ZNF75D: variants seen among roughly 807,000 people sequenced by gnomAD.
The protein encoded by ZNF75D is zinc finger protein 75.
Under a neutral mutation model 33.3 loss-of-function variants are expected in ZNF75D, and 33 were observed. The observed-to-expected ratio is 0.99, with a 90% confidence interval of 0.75 to 1.32. ZNF75D has a LOEUF of 1.32. Ranked by LOEUF, ZNF75D falls within the 40% of genes most tolerant of loss-of-function variation. The pLI, the probability that ZNF75D is intolerant of heterozygous loss-of-function variation, is 0.00. For missense variants in ZNF75D, 338 were observed against 367.5 expected, an observed-to-expected ratio of 0.92 and a Z score of 0.66; for synonymous variants, 113 against 130.6, an observed-to-expected ratio of 0.87 and a Z score of 0.92.
At chrX:135,339,591 C>T (rs192653462) in intron 1 of ZNF75D, among the ~76,000 whole-genome samples, 37 of 112,219 alleles carry the variant, frequency 3.3e-4, no homozygotes, top group African/African-American at 1.2e-3. Flanking sequence ...TGTCTCAATA[C>T]TCCCCACTTC....
intron 1 of ZNF75D, among the ~76,000 whole-genome samples, chrX:135,300,664 T>C (rs1392557330): frequency 9.1e-6 from 1 of 109,527 alleles, no homozygotes; most frequent in African/African-American, 3.3e-5. Context: ...GGAGTATCAC[T>C]TGAACCCAGG....
At chrX:135,281,292 T>C (rs2083919070), downstream of ZNF75D, among the ~76,000 whole-genome samples, 1 of 109,568 alleles carries the variant, frequency 9.1e-6, no homozygotes, top group African/African-American at 3.3e-5. Flanking sequence ...TTGATACTTG[T>C]GTATGCTTCA....
chrX:135,320,494 C>T (rs2084482297), intron 1 of ZNF75D, among the ~76,000 whole-genome samples: 1 of 111,425 alleles, frequency 9.0e-6, no homozygotes, highest in Admixed American at 9.5e-5. Flanking sequence ...TCTTGAAATA[C>T]AAGAAAAACT....
At chrX:135,289,263 C>G (rs541337833) in intron 6 of ZNF75D, among the ~76,000 whole-genome samples, 1 of 112,420 alleles carries the variant, frequency 8.9e-6, no homozygotes, top group East Asian at 2.8e-4. Flanking sequence ...TCTTTAAGCC[C>G]TTGGGAGTGG....
rs554420501 is a variant in ZNF75D at position 135,300,089 on chromosome X, G to A, written c.-390-4050C>T. Among the ~76,000 whole-genome samples, 25 of 111,855 alleles carry A rather than the reference G, an allele frequency of 2.2e-4. No homozygotes were observed. The South Asian group carries it at 9.2e-3, about 41-fold the overall frequency. On this transcript the variant is annotated intron_variant, in intron 1 of 6. Coordinates refer to ENST00000370766, the MANE Select transcript of ZNF75D (RefSeq NM_007131.5). The stretch of plus-strand genomic sequence containing the variant: ...GTTCTCCTTTTTCAAAATTGTTTTA[G>A]ACTCTGGGTCCCTTGAATTTCCATA...
intron 3 of ZNF75D, 63 bp from the exon 4 acceptor site, chrX:135,292,536 G>A: frequency 9.5e-7 from 1 of 1,049,166 alleles, no homozygotes; most frequent in South Asian, 2.2e-5. Context: ...TGGTAGTGGA[G>A]GGAGGAACAA....
intron 4 of ZNF75D, among the ~76,000 whole-genome samples, chrX:135,292,018 C>G (rs1465686627): frequency 8.9e-6 from 1 of 111,893 alleles, no homozygotes; most frequent in African/African-American, 3.3e-5. Flanking sequence ...GTGGCCCCAC[C>G]TGTCCCTGTT....
downstream of ZNF75D, chrX:135,285,724 G>A (rs782747047): frequency 6.6e-4 from 73 of 111,400 alleles, no homozygotes; most frequent in African/African-American, 2.2e-3. Context: ...GGCTTAGAAC[G>A]GTCTCTTGGT....
intron 1 of ZNF75D, among the ~76,000 whole-genome samples, chrX:135,340,674 C>T (rs782435359): frequency 4.5e-5 from 5 of 111,779 alleles, no homozygotes; most frequent in Non-Finnish European, 9.4e-5. Flanking sequence ...TTGTTCTGCC[C>T]AGGAGTACAG....
In ZNF75D at chrX:135,294,079, TC is replaced by T; in HGVS notation, c.61del (p.Glu21ArgfsTer6). On this transcript the variant is annotated frameshift_variant, in exon 3 of 7. Transcript: ENST00000370766. LOFTEE classifies it high-confidence loss of function. ...CSSPQMGAMWETSGSVKENSS... is the reference protein window; with the variant it reads ...CSSPQMGAMWXTSGSVKENSS... ...GTTCTCTTTCACAGACCCACTAGTC[TC>T]CCACATAGCCCCCATCTGGGGGCTT... The T allele has an allele frequency of 8.3e-7, 1 of 1,209,266 alleles. No homozygotes were observed. Among genetic ancestry groups the T allele is most frequent in the Non-Finnish European group, 1.1e-6 (1 of 893,929 alleles).
intron 6 of ZNF75D, 32 bp downstream of exon 6, chrX:135,290,977 A>C (rs782753626): frequency 5.9e-6 from 7 of 1,186,787 alleles, no homozygotes; most frequent in Non-Finnish European, 8.0e-6. Flanking sequence ...ATATTACTTA[A>C]CTTCTACACA....
In ZNF75D at chrX:135,287,169, T is replaced by C; in HGVS notation, c.1501A>G (p.Arg501Gly). The C allele has an allele frequency of 8.3e-7, 1 of 1,208,726 alleles. No homozygotes were observed. Residue 501 changes from arginine (R) to glycine (G), a missense_variant, in exon 7 of 7, where the codon AGA (arginine) becomes GGA (glycine). Around this residue, in one of 3 missense-constraint regions of ZNF75D, gnomAD observed 79 missense variants for 80.1 expected, o/e 0.99. Transcript: ENST00000370766. Reference protein sequence around the residue: ...SLLRHQKLHRRREACLVSPN With the variant: ...SLLRHQKLHRGREACLVSPN ...GGAGACACTAGACATGCTTCCCTTC[T>C]TCTGTGGAGTTTCTGGTGTCTAAGA...
intron 1 of ZNF75D, among the ~76,000 whole-genome samples, chrX:135,296,592 C>T (rs1266156680): frequency 2.7e-5 from 3 of 112,213 alleles, no homozygotes; most frequent in Non-Finnish European, 5.6e-5. Flanking sequence ...GAGTAAAAGG[C>T]AATTTGATCC....
At chrX:135,290,839 A>G (rs2084027591) in intron 6 of ZNF75D, among the ~76,000 whole-genome samples, 170 bp downstream of exon 6, 1 of 112,649 alleles carries the variant, frequency 8.9e-6, no homozygotes, top group African/African-American at 3.2e-5. Flanking sequence ...AGGTATTTAC[A>G]AAAAGCTCTC....
At chrX:135,295,041 G>C (rs1216511009) in intron 2 of ZNF75D, among the ~76,000 whole-genome samples, 3 of 111,945 alleles carry the variant, frequency 2.7e-5, no homozygotes, top group African/African-American at 6.5e-5. Flanking sequence ...AAACAAAAAA[G>C]AAAGAGAGAT....
intron 1 of ZNF75D, among the ~76,000 whole-genome samples, chrX:135,326,344 A>T (rs1208886078): frequency 4.5e-5 from 5 of 111,164 alleles, no homozygotes; most frequent in Non-Finnish European, 5.7e-5. Flanking sequence ...ACCAATCGAC[A>T]CTCTGTATCT....
intron 1 of ZNF75D, among the ~76,000 whole-genome samples, chrX:135,329,316 C>T (rs2084622484): frequency 8.9e-6 from 1 of 112,045 alleles, no homozygotes; most frequent in African/African-American, 3.2e-5. Context: ...CGGAGTCTTA[C>T]TCTGTAGCCC....
At chrX:135,336,280 G>C (rs1401206225) in intron 1 of ZNF75D, among the ~76,000 whole-genome samples, 1 of 111,846 alleles carries the variant, frequency 8.9e-6, no homozygotes, top group African/African-American at 3.3e-5. Context: ...CCTTGATTTT[G>C]GACTCCCAAC....
intron 1 of ZNF75D, among the ~76,000 whole-genome samples, chrX:135,331,260 AAAG>A (rs1556440440): frequency 9.0e-6 from 1 of 111,032 alleles, no homozygotes; most frequent in African/African-American, 3.3e-5. Context: ...CATTGTCCCC[AAAG>A]AAGTAGAATC....
Sources: allele counts gnomAD v4.1 joint callset (sites outside exome capture counted in the v4.1 genomes callset), GRCh38; gene constraint gnomAD v4.1.1; regional missense constraint gnomAD v4.1.1; transcripts MANE v1.5; gene names NCBI Gene and HGNC (gene_info 2026-07-23, HGNC 2026-07-21).